KIAA1671: variants seen among roughly 807,000 people sequenced by gnomAD.
The protein encoded by KIAA1671 is uncharacterized protein KIAA1671.
KIAA1671 carries 52 observed loss-of-function variants against 131.2 expected under a neutral mutation model. That is an observed-to-expected ratio of 0.40 (90% CI 0.32 to 0.50). The LOEUF (loss-of-function observed/expected upper bound fraction) is 0.50, where lower values mean the gene tolerates loss of function less well. Among genes scored for constraint, KIAA1671 ranks in the 20% least tolerant of loss-of-function variants. KIAA1671 has a pLI of 0.73. For synonymous variants in KIAA1671, 1,003 were observed against 961.6 expected, an observed-to-expected ratio of 1.04 and a Z score of -0.80; for missense variants, 2,360 against 2,364.2, an observed-to-expected ratio of 1.00 and a Z score of 0.04.
chr22:25,032,555 T>A (rs1455252635), intron 3 of KIAA1671, 54 bp from the exon 4 acceptor site: 1 of 1,167,150 alleles, frequency 8.6e-7, no homozygotes, highest in East Asian at 2.6e-5. Flanking sequence ...GTGTGTGGGC[T>A]GGGGGGAATA....
chr22:25,029,559 C>T lies in KIAA1671; in HGVS notation c.1541+19C>T. 6.7e-7 allele frequency: 1 copy of T among 1,493,286 alleles called. No homozygotes were observed. Among genetic ancestry groups the T allele is most frequent in the South Asian group, 1.3e-5 (1 of 76,882 alleles). The allele number at this position is 1,493,286 out of a possible 1,614,324, so 92.5% of individuals were successfully genotyped here. On this transcript the variant is annotated intron_variant, in intron 3 of 12. Transcript: ENST00000358431. Reference sequence around the variant, plus strand: ...CCAAATTGTAAGTAGGCACATCCCACACCCCTCTCTCAGCCGCCCACCCAC... The same window carrying T: ...CCAAATTGTAAGTAGGCACATCCCATACCCCTCTCTCAGCCGCCCACCCAC...
In KIAA1671 at chr22:25,049,020, C is replaced by G. The variant is rs1323791312; in HGVS notation, c.4396-210C>G. ...AGAGGTTGAGGCACCCACCTGAGGT[C>G]ACACAGTTATTAAATGGCTGAGGCT... On this transcript the variant is annotated intron_variant, in intron 5 of 12. Coordinates refer to ENST00000358431, the MANE Select transcript of KIAA1671 (RefSeq NM_001145206.2). 3 of 587,036 alleles carry G rather than the reference C, an allele frequency of 5.1e-6. No individual in the cohort carries two copies. In the Admixed American group the frequency reaches 9.4e-5, roughly 18 times the overall value. 36.4% of individuals were successfully genotyped at this position (587,036 alleles called of 1,614,324 possible).
At chr22:25,190,091 TTATTTC>T (rs1171725180) in intron 11 of KIAA1671, among the ~76,000 whole-genome samples, 2 of 152,180 alleles carry the variant, frequency 1.3e-5, no homozygotes, top group African/African-American at 4.8e-5. Flanking sequence ...ATTGTGTACT[TTATTTC>T]TATTATTATT....
chr22:25,181,456 C>T (rs1934272751), intron 9 of KIAA1671, among the ~76,000 whole-genome samples: 1 of 152,162 alleles, frequency 6.6e-6, no homozygotes, highest in African/African-American at 2.4e-5. Flanking sequence ...TTGCCTCTGT[C>T]CTCCCGCAAA....
intron 6 of KIAA1671, among the ~76,000 whole-genome samples, chr22:25,127,844 C>G (rs1049145761): frequency 2.6e-5 from 4 of 152,142 alleles, no homozygotes; most frequent in African/African-American, 4.8e-5. Context: ...TGCGGAGCCC[C>G]GTGGATTTTC....
intron 1 of KIAA1671, among the ~76,000 whole-genome samples, chr22:24,970,495 C>T (rs1033280215): frequency 3.9e-5 from 6 of 152,068 alleles, no homozygotes; most frequent in Non-Finnish European, 5.9e-5. Context: ...CCTTGGTTTC[C>T]GTCTCTATAA....
chr22:24,979,346 A>ATTTTT (rs199628002), intron 1 of KIAA1671, among the ~76,000 whole-genome samples: 3 of 130,618 alleles, frequency 2.3e-5, no homozygotes, highest in African/African-American at 9.2e-5. Flanking sequence ...TTATTTATTT[A>ATTTTT]TTTATTTATT....
chr22:25,151,497 C>T (rs1394272145), intron 6 of KIAA1671, among the ~76,000 whole-genome samples: 1 of 139,908 alleles, frequency 7.1e-6, no homozygotes, highest in Admixed American at 7.6e-5. Flanking sequence ...TGCAGTGGTG[C>T]AATCTAAGGT....
chr22:25,152,777 A>G (rs997782878), intron 6 of KIAA1671, among the ~76,000 whole-genome samples: 3 of 152,010 alleles, frequency 2.0e-5, no homozygotes, highest in African/African-American at 7.2e-5. Context: ...CAATGTTTGT[A>G]TTTTTAGTGG....
rs1926184564 is a variant in KIAA1671, at chr22:25,029,931, G to C, written c.1541+391G>C. ...TAAGCCTTTCTTCCCTGAAGTCAGAGAGAGAACGCTTAAGATTGGGCCTAA... is the reference window on the plus strand; with the variant it reads ...TAAGCCTTTCTTCCCTGAAGTCAGACAGAGAACGCTTAAGATTGGGCCTAA... On this transcript the variant is annotated intron_variant, in intron 3 of 12. Coordinates refer to ENST00000358431, the MANE Select transcript of KIAA1671 (RefSeq NM_001145206.2). 2.0e-5 allele frequency among the ~76,000 whole-genome samples: 3 copies of C among 152,370 alleles called. No individual in the cohort carries two copies. In the South Asian group the frequency reaches 6.2e-4, roughly 32 times the overall value.
chr22:25,067,132 G>A (rs1160301927), intron 6 of KIAA1671, among the ~76,000 whole-genome samples: 1 of 152,092 alleles, frequency 6.6e-6, no homozygotes, highest in African/African-American at 2.4e-5. Context: ...GTGCCCTGGT[G>A]CGTCTGACCA....
chr22:25,112,933 A>G (rs1931441430), intron 6 of KIAA1671, among the ~76,000 whole-genome samples: 1 of 152,074 alleles, frequency 6.6e-6, no homozygotes, highest in South Asian at 2.1e-4. Flanking sequence ...AAAGGGTCTT[A>G]GGAGACCGAG....
chr22:25,071,106 A>G (rs530483866), intron 6 of KIAA1671, among the ~76,000 whole-genome samples: 2 of 152,324 alleles, frequency 1.3e-5, no homozygotes, highest in South Asian at 4.1e-4. Flanking sequence ...CCTCTGTGAA[A>G]TAAGGAGTGG....
chr22:24,963,364 CAAAAAAAAAAAAAA>C (rs766667437), intron 1 of KIAA1671, among the ~76,000 whole-genome samples: 3 of 46,622 alleles, frequency 6.4e-5, no homozygotes, highest in Non-Finnish European at 1.3e-4. Flanking sequence ...AACTCCATCT[CAAAAAAAAAAAAAA>C]AAAAAAAAAA....
At position 25,041,279 on chromosome 22, in the gene KIAA1671, AGAG is replaced by A; in HGVS notation, c.4155_4157del (p.Glu1385del). ...CCCCAAGGAAATCCACCGGGCGGGG[AGAG>A]GAGGACAGTGTGGCCCAGTGGGGTG... On this transcript the variant is annotated inframe_deletion, in exon 5 of 13. Coordinates refer to ENST00000358431, the MANE Select transcript of KIAA1671 (RefSeq NM_001145206.2). 1 of 1,551,714 alleles carries A rather than the reference AGAG, an allele frequency of 6.4e-7. No individual in the cohort carries two copies. The highest frequency in any genetic ancestry group is 1.4e-5 in the African/African-American group (1 of 73,170).
chr22:25,060,312 A>G (rs1164189740), intron 6 of KIAA1671: 1 of 152,216 alleles, frequency 6.6e-6, no homozygotes, highest in Non-Finnish European at 1.5e-5. Flanking sequence ...CCTCCTGAGT[A>G]GCTGGGATTA....
chr22:25,054,663 C>G (rs1927744555), intron 6 of KIAA1671: 1 of 149,766 alleles, frequency 6.7e-6, no homozygotes, highest in African/African-American at 2.4e-5. Context: ...TCCCTAATAG[C>G]TACTGTTTAT....
chr22:25,074,496 C>CAAAAAAAAA (rs759898395), intron 6 of KIAA1671, among the ~76,000 whole-genome samples: 4 of 64,074 alleles, frequency 6.2e-5, no homozygotes, highest in Non-Finnish European at 1.2e-4. Context: ...GGCTGTGTCT[C>CAAAAAAAAA]AAAAAAAAAA....
chr22:24,995,237 A>G (rs1318408166), intron 1 of KIAA1671, among the ~76,000 whole-genome samples: 2 of 151,632 alleles, frequency 1.3e-5, no homozygotes, highest in Non-Finnish European at 1.5e-5. Flanking sequence ...TTTTTTTAGT[A>G]GAGACAGGGT....
Sources: gnomAD v4.1 joint callset for allele counts (sites outside exome capture counted in the v4.1 genomes callset) on GRCh38, gnomAD v4.1.1 for gene constraint, MANE v1.5 for transcripts, NCBI Gene and HGNC (gene_info 2026-07-23, HGNC 2026-07-21) for gene names.